The following APPBP2 variants were observed in gnomAD, a reference collection of about 807,000 sequenced individuals.
APPBP2 encodes the protein amyloid protein-binding protein 2.
APPBP2 carries 15 observed loss-of-function variants against 76.0 expected under a neutral mutation model. That is an observed-to-expected ratio of 0.20 (90% CI 0.13 to 0.30). APPBP2 has a LOEUF of 0.30. Among genes scored for constraint, APPBP2 ranks in the 10% least tolerant of loss-of-function variants. The pLI is 1.00. For synonymous variants in APPBP2, 222 were observed against 242.2 expected (o/e 0.92, Z 0.77); for missense variants, 401 against 687.2 (o/e 0.58, Z 4.66).
chr17:60,520,316 T>G (rs6503980), intron 1 of APPBP2, among the ~76,000 whole-genome samples: 11,915 of 152,196 alleles, frequency 0.078, 1,565 homozygotes, highest in African/African-American at 0.27. Context: ...CTCACTCCTG[T>G]AATCCCAGCA....
chr17:60,475,364 C>T (rs1239840024), intron 4 of APPBP2, among the ~76,000 whole-genome samples: 2 of 152,182 alleles, frequency 1.3e-5, no homozygotes, highest in Non-Finnish European at 2.9e-5. Context: ...CTTGGCCTCC[C>T]AAAGTGCTGG....
intron 1 of APPBP2, among the ~76,000 whole-genome samples, chr17:60,520,492 G>C (rs2091000236): frequency 6.7e-6 from 1 of 150,196 alleles, no homozygotes; most frequent in South Asian, 2.1e-4. Flanking sequence ...AGAATCACTT[G>C]AACCCAGGAG....
intron 1 of APPBP2, among the ~76,000 whole-genome samples, chr17:60,506,462 A>G (rs1195243543): frequency 6.6e-6 from 1 of 152,202 alleles, no homozygotes; most frequent in Non-Finnish European, 1.5e-5. Flanking sequence ...TTTATAACTC[A>G]TCCAAATCCT....
At chr17:60,494,349 G>A (rs1162347245) in intron 3 of APPBP2, 117 bp downstream of exon 3, 28 of 1,098,130 alleles carry the variant, frequency 2.5e-5, no homozygotes, top group Non-Finnish European at 3.5e-5. Flanking sequence ...TGGTTCTGAT[G>A]TTCTTCTCAT....
intron 1 of APPBP2, among the ~76,000 whole-genome samples, chr17:60,506,747 AC>A (rs1387586306): frequency 3.3e-5 from 5 of 152,222 alleles, no homozygotes; most frequent in East Asian, 1.9e-4. Flanking sequence ...TTTAAAAAAA[AC>A]ATTTTCCCCC....
intron 1 of APPBP2, among the ~76,000 whole-genome samples, chr17:60,516,109 G>A (rs1349911552): frequency 6.6e-6 from 1 of 151,954 alleles, no homozygotes; most frequent in Admixed American, 6.6e-5. Context: ...GTTGCAGTGA[G>A]CAGAGATCAT....
chr17:60,451,299 T>C (rs1460154542), intron 12 of APPBP2, among the ~76,000 whole-genome samples: 1 of 152,294 alleles, frequency 6.6e-6, no homozygotes, highest in East Asian at 1.9e-4. Context: ...TTAAAATAAC[T>C]ACTTTTGCCT....
intron 1 of APPBP2, 33 bp downstream of exon 1, chr17:60,525,761 G>T (rs1243111383): frequency 1.9e-6 from 3 of 1,612,846 alleles, no homozygotes; most frequent in Middle Eastern, 1.7e-4. Context: ...GGGGTTGCTG[G>T]AGGAGAGCAG....
At chr17:60,475,775 T>A (rs1489213046) in intron 4 of APPBP2, among the ~76,000 whole-genome samples, 2 of 151,846 alleles carry the variant, frequency 1.3e-5, no homozygotes, top group African/African-American at 2.4e-5. Context: ...TACATGTCAA[T>A]GGTTTAAAAA....
intron 2 of APPBP2, among the ~76,000 whole-genome samples, chr17:60,497,276 T>C (rs1449010778): frequency 1.3e-5 from 2 of 152,140 alleles, no homozygotes; most frequent in African/African-American, 4.8e-5. Context: ...TAGTCACTTA[T>C]TTGTGGGAGC....
chr17:60,458,197 GC>G (rs766810251), intron 9 of APPBP2, among the ~76,000 whole-genome samples: 1 of 152,136 alleles, frequency 6.6e-6, no homozygotes, highest in Non-Finnish European at 1.5e-5. Context: ...ACTTTAGGAG[GC>G]CAAGGGGGGC....
At chr17:60,515,112 ATTTTT>A (rs746696162) in intron 1 of APPBP2, among the ~76,000 whole-genome samples, 1 of 106,226 alleles carries the variant, frequency 9.4e-6, no homozygotes, top group African/African-American at 3.7e-5. Context: ...CCTATTTTAA[ATTTTT>A]TTTTTTTTTT....
At chr17:60,448,659 G>A (rs757659865) in intron 12 of APPBP2, among the ~76,000 whole-genome samples, 7 of 152,252 alleles carry the variant, frequency 4.6e-5, no homozygotes, top group Middle Eastern at 3.4e-3. Context: ...TAACGGTTAC[G>A]GAGTGACTGA....
chr17:60,481,629 T>C (rs1034568489), intron 3 of APPBP2, among the ~76,000 whole-genome samples: 2 of 152,204 alleles, frequency 1.3e-5, no homozygotes, highest in East Asian at 1.9e-4. Context: ...ACTTGTAATA[T>C]TGACCCTAGA....
At chr17:60,481,127 A>G (rs2090625052) in intron 3 of APPBP2, among the ~76,000 whole-genome samples, 1 of 152,172 alleles carries the variant, frequency 6.6e-6, no homozygotes, top group South Asian at 2.1e-4. Flanking sequence ...GCCTAGCAGT[A>G]TCCCAGCTTC....
rs574987993 is a variant in APPBP2 at position 60,519,502 on chromosome 17, T to A, written c.138+6292A>T. On this transcript the variant is annotated intron_variant, in intron 1 of 12. Coordinates refer to ENST00000083182, the MANE Select transcript of APPBP2 (RefSeq NM_006380.5). Reference sequence around the variant, plus strand: ...GTTATCTCCTACAGAAAGGAGAAAATTTTTTTTTTAATTAACCAGGTGTGG... The same window carrying A: ...GTTATCTCCTACAGAAAGGAGAAAAATTTTTTTTTAATTAACCAGGTGTGG... Among the ~76,000 whole-genome samples, 453 of 129,442 alleles carry A rather than the reference T, an allele frequency of 3.5e-3. 3 individuals carry two copies. The highest frequency in any genetic ancestry group is 0.013 in the East Asian group (67 of 5,082). 84.9% of individuals were successfully genotyped at this position (129,442 alleles called of 152,430 possible).
rs1420911369 is a variant in APPBP2 at position 60,446,401 on chromosome 17, T to C, written c.*1180A>G. The C allele has an allele frequency of 6.6e-6, 1 of 152,270 alleles. No homozygotes were observed. Among genetic ancestry groups the C allele is most frequent in the East Asian group, 1.9e-4 (1 of 5,202 alleles). 9.4% of individuals were successfully genotyped at this position (152,270 alleles called of 1,614,324 possible). ...GTGTATTATTAGGGGATCTTTCCAT[T>C]TGACTCCTAGATTTCAAATGAAATG... On this transcript the variant is annotated 3_prime_UTR_variant, in exon 13 of 13. Coordinates refer to ENST00000083182, the MANE Select transcript of APPBP2 (RefSeq NM_006380.5).
intron 3 of APPBP2, among the ~76,000 whole-genome samples, chr17:60,479,798 CTAACATT>C (rs1167461184): frequency 1.3e-5 from 2 of 152,140 alleles, no homozygotes; most frequent in Non-Finnish European, 2.9e-5. Context: ...CTAAATATGA[CTAACATT>C]TAATACACTG....
intron 3 of APPBP2, among the ~76,000 whole-genome samples, chr17:60,489,448 T>C (rs2090708121): frequency 6.6e-6 from 1 of 150,930 alleles, no homozygotes; most frequent in African/African-American, 2.4e-5. Flanking sequence ...CCATCTCTAC[T>C]AAAAACACAA....
Sources: allele counts gnomAD v4.1 joint callset (sites outside exome capture counted in the v4.1 genomes callset), GRCh38; gene constraint gnomAD v4.1.1; transcripts MANE v1.5; gene names NCBI Gene and HGNC (gene_info 2026-07-23, HGNC 2026-07-21).